Variants in GTF3C3 observed in about 807,000 individuals in gnomAD.
GTF3C3 encodes general transcription factor 3C polypeptide 3.
In GTF3C3, 75 loss-of-function variants were observed where a neutral mutation model predicts 105.2. The observed-to-expected ratio is 0.71, with a 90% CI of 0.59 to 0.86. The LOEUF (loss-of-function observed/expected upper bound fraction) is 0.86, where lower values mean the gene tolerates loss of function less well. Among genes scored for constraint, GTF3C3 ranks in the 40% least tolerant of loss-of-function variants. The pLI is 0.00. For missense variants in GTF3C3, 856 were observed against 1,076.5 expected (o/e 0.80, Z 2.87); for synonymous variants, 335 against 370.4 (o/e 0.90, Z 1.10).
chr2:196,772,783 A>G (rs1010389258), intron 14 of GTF3C3, 133 bp downstream of exon 14: 5 of 575,620 alleles, frequency 8.7e-6, no homozygotes, highest in African/African-American at 7.7e-5. Flanking sequence ...CTTCTTATAT[A>G]CTGCCTCTGG....
chr2:196,763,396 T>C lies in GTF3C3; in HGVS notation c.*1167A>G, dbSNP rs1699004051. 6.6e-6 allele frequency: 1 copy of C among 152,192 alleles called. No homozygotes were observed. The highest frequency in any genetic ancestry group is 1.5e-5 in the Non-Finnish European group (1 of 68,034). The allele number at this position is 152,192 out of a possible 1,614,324, so 9.4% of individuals were successfully genotyped here. A position where few individuals can be genotyped will look rare whatever the true frequency, so the allele number is the denominator to read the frequency against. On this transcript the variant is annotated 3_prime_UTR_variant, in exon 18 of 18. Coordinates refer to ENST00000263956, the MANE Select transcript of GTF3C3 (RefSeq NM_012086.5). ...AGTCTAACTTATTACTGTATCTCAG[T>C]TACCTCTACCATTACCTATAAATGG...
At position 196,789,890 on chromosome 2, in the gene GTF3C3, C is replaced by CA; in HGVS notation, c.715dup (p.Cys239LeufsTer7). The CA allele has an allele frequency of 6.4e-7, 1 of 1,564,748 alleles. No individual in the cohort carries two copies. Among genetic ancestry groups the CA allele is most frequent in the Admixed American group, 2.1e-5 (1 of 48,092 alleles). On this transcript the variant is annotated frameshift_variant, in exon 5 of 18. Coordinates refer to ENST00000263956, the MANE Select transcript of GTF3C3 (RefSeq NM_012086.5). LOFTEE classifies it high-confidence loss of function. Reference sequence around the variant, plus strand: ...AAAATTTTAATTACCTTTTGTATAGCAAAAAATAGCCTGCTTAATATTGTC... The same window carrying CA: ...AAAATTTTAATTACCTTTTGTATAGCAAAAAAATAGCCTGCTTAATATTGTC...
chr2:196,773,277 C>T, intron 13 of GTF3C3, 124 bp from the exon 14 acceptor site: 2 of 672,372 alleles, frequency 3.0e-6, no homozygotes, highest in South Asian at 3.8e-5. Context: ...GTTGCCAGTG[C>T]TCTCCGGACA....
Position 196,763,822 on chromosome 2 carries a change from C to G in GTF3C3, c.*741G>C, listed in dbSNP as rs1699012394. 6.6e-6 allele frequency: 1 copy of G among 152,198 alleles called. No individual in the cohort carries two copies. Among genetic ancestry groups the G allele is most frequent in the South Asian group, 2.1e-4 (1 of 4,828 alleles). 9.4% of individuals were successfully genotyped at this position (152,198 alleles called of 1,614,324 possible). ...AAAAGTTTTTTACTTTATCAATCAG[C>G]AGTATGTCCTTTATTCCATACGTAC... On this transcript the variant is annotated 3_prime_UTR_variant, in exon 18 of 18. Transcript: ENST00000263956.
intron 4 of GTF3C3, 80 bp downstream of exon 4, chr2:196,791,257 A>G (rs1311245871): frequency 1.5e-6 from 2 of 1,328,532 alleles, no homozygotes; most frequent in African/African-American, 2.9e-5. Flanking sequence ...TTTTCCAAAT[A>G]GTACTGTGAA....
intron 2 of GTF3C3, among the ~76,000 whole-genome samples, chr2:196,797,455 G>A (rs570405316): frequency 5.3e-5 from 8 of 152,218 alleles, no homozygotes; most frequent in East Asian, 1.9e-4. Context: ...ACTTTATATC[G>A]AAGTGTAATT....
rs1326556573 is a variant in GTF3C3, at chr2:196,764,472, C to CTAT, written c.*88_*90dup. 4 of 1,131,238 alleles carry CTAT rather than the reference C, an allele frequency of 3.5e-6. No individual in the cohort carries two copies. The highest frequency in any genetic ancestry group is 4.9e-6 in the Non-Finnish European group (4 of 818,014). The allele number at this position is 1,131,238 out of a possible 1,614,324, so 70.1% of individuals were successfully genotyped here. A position where few individuals can be genotyped will look rare whatever the true frequency, so the allele number is the denominator to read the frequency against. ...TTAGGTAATTCTGAAATTGTCATTT[C>CTAT]TATTTTGGAGTTACAAATAATAAGC... On this transcript the variant is annotated 3_prime_UTR_variant, in exon 18 of 18. Coordinates refer to ENST00000263956, the MANE Select transcript of GTF3C3 (RefSeq NM_012086.5).
chr2:196,789,971 A>C lies in GTF3C3; in HGVS notation c.635T>G (p.Leu212Ter). The C allele has an allele frequency of 1.2e-6, 2 of 1,613,380 alleles. No homozygotes were observed. The highest frequency in any genetic ancestry group is 1.7e-6 in the Non-Finnish European group (2 of 1,179,396). The stretch of plus-strand genomic sequence containing the variant: ...CCATTCTTCTGTGTCACTGGGATTT[A>C]AATGCGCAGCAATCAACTCAAACTG... ...SLQFELIAAHLNPSDTEEWVR... is the reference protein window; with the variant it reads ...SLQFELIAAH The change falls in exon 5 of 18, where the codon TTA becomes TGA. Residue 212 changes from leucine to a stop codon, truncating the protein, a stop_gained. Coordinates refer to ENST00000263956, the MANE Select transcript of GTF3C3 (RefSeq NM_012086.5). LOFTEE classifies it high-confidence loss of function.
chr2:196,787,266 T>C (rs568217514), intron 6 of GTF3C3, among the ~76,000 whole-genome samples: 1 of 152,282 alleles, frequency 6.6e-6, no homozygotes, highest in South Asian at 2.1e-4. Context: ...GTCTCCATGC[T>C]TCTGCCCTTC....
At chr2:196,794,124 C>T (rs1354257555) in intron 2 of GTF3C3, among the ~76,000 whole-genome samples, 2 of 152,060 alleles carry the variant, frequency 1.3e-5, no homozygotes, top group Non-Finnish European at 2.9e-5. Flanking sequence ...AAGAGGAAGA[C>T]AGACCTGAGC....
chr2:196,789,515 G>C, intron 5 of GTF3C3, 146 bp from the exon 6 acceptor site: 1 of 596,208 alleles, frequency 1.7e-6, no homozygotes. Flanking sequence ...ATATTCACAG[G>C]AACTCTTGAC....
At chr2:196,781,907 G>A (rs1361864445) in intron 8 of GTF3C3, among the ~76,000 whole-genome samples, 2 of 152,188 alleles carry the variant, frequency 1.3e-5, no homozygotes, top group African/African-American at 2.4e-5. Context: ...AGTAGCTAAA[G>A]TCACCTGTCT....
chr2:196,774,523 A>G (rs1313466649), intron 13 of GTF3C3, among the ~76,000 whole-genome samples: 1 of 152,212 alleles, frequency 6.6e-6, no homozygotes, highest in Admixed American at 6.5e-5. Context: ...TTTACAAAAC[A>G]AAACAACAAA....
chr2:196,780,442 C>A (rs1361067874), intron 9 of GTF3C3, 117 bp downstream of exon 9: 6 of 1,355,490 alleles, frequency 4.4e-6, no homozygotes. Flanking sequence ...TTATTGTTAC[C>A]TCCTTGGTTA....
chr2:196,780,505 A>AAAG, intron 9 of GTF3C3, 54 bp downstream of exon 9: 1 of 1,576,768 alleles, frequency 6.3e-7, no homozygotes, highest in Non-Finnish European at 8.7e-7. Flanking sequence ...CATCTAAAGA[A>AAAG]AAGAGATGGT....
At position 196,766,736 on chromosome 2, in the gene GTF3C3, A is replaced by T; in HGVS notation, c.2386-19T>A. The stretch of plus-strand genomic sequence containing the variant: ...AAAAGCCCTAACCAAAAAGAAAAAG[A>T]TAATTCAATATTTCACTGATTTGAC... On this transcript the variant is annotated intron_variant, in intron 16 of 17. Transcript: ENST00000263956. 6.3e-7 allele frequency: 1 copy of T among 1,588,648 alleles called. No individual in the cohort carries two copies. The highest frequency in any genetic ancestry group is 8.6e-7 in the Non-Finnish European group (1 of 1,163,456).
At chr2:196,795,816 G>A (rs1333490945) in intron 2 of GTF3C3, among the ~76,000 whole-genome samples, 1 of 152,064 alleles carries the variant, frequency 6.6e-6, no homozygotes, top group East Asian at 1.9e-4. Context: ...GAAACAAAAG[G>A]CATAAAGATG....
intron 2 of GTF3C3, among the ~76,000 whole-genome samples, chr2:196,795,566 C>T (rs1352951264): frequency 6.6e-6 from 1 of 152,138 alleles, no homozygotes; most frequent in African/African-American, 2.4e-5. Context: ...GAAGAAAAAT[C>T]GTATGATCCA....
At chr2:196,766,518 T>G in intron 17 of GTF3C3, 47 bp downstream of exon 17, 1 of 1,493,314 alleles carries the variant, frequency 6.7e-7, no homozygotes, top group South Asian at 1.3e-5. Context: ...TGCCCTTATC[T>G]ACAGACAGAT....
Sources: gnomAD v4.1 joint callset for allele counts (sites outside exome capture counted in the v4.1 genomes callset) on GRCh38, gnomAD v4.1.1 for gene constraint, MANE v1.5 for transcripts, NCBI Gene and HGNC (gene_info 2026-07-23, HGNC 2026-07-21) for gene names.